Variants in FBXL2 observed in about 807,000 individuals in gnomAD.
FBXL2 encodes the protein F-box/LRR-repeat protein 2.
FBXL2 carries 38 observed loss-of-function variants against 69.2 expected under a neutral mutation model. The observed-to-expected ratio is 0.55, with a 90% CI of 0.42 to 0.72. The LOEUF (loss-of-function observed/expected upper bound fraction) is 0.72. FBXL2 is among the 30% of genes least tolerant of loss of function. The probability of loss-of-function intolerance (pLI) is 0.00; values close to 1 mark genes in which losing one functional copy is unlikely to be tolerated. For synonymous variants in FBXL2, 192 were observed against 201.3 expected, an observed-to-expected ratio of 0.95 and a Z score of 0.39; for missense variants, 354 against 520.3, an observed-to-expected ratio of 0.68 and a Z score of 3.11.
At chr3:33,355,949 T>G (rs1365744290) in intron 2 of FBXL2, among the ~76,000 whole-genome samples, 1 of 152,230 alleles carries the variant, frequency 6.6e-6, no homozygotes, top group Non-Finnish European at 1.5e-5. Flanking sequence ...CACGCCTATT[T>G]GTGCAAATTC....
At chr3:33,339,783 T>A (rs1051549828) in intron 2 of FBXL2, among the ~76,000 whole-genome samples, 7 of 152,208 alleles carry the variant, frequency 4.6e-5, no homozygotes, top group African/African-American at 1.7e-4. Flanking sequence ...CCTAGGTATA[T>A]GTTCAGGTGA....
At position 33,306,861 on chromosome 3, in the gene FBXL2, T is replaced by C. The variant is rs529618309; in HGVS notation, c.65+9136T>C. Among the ~76,000 whole-genome samples the C allele has an allele frequency of 9.9e-5, 15 of 152,212 alleles. No individual in the cohort carries two copies. In the South Asian group the frequency reaches 3.1e-3, roughly 32 times the overall value. On this transcript the variant is annotated intron_variant, in intron 2 of 14. Transcript: ENST00000484457. ...GATGCTTATTGTCTACATCATTAAT[T>C]TATTGGGGCTGCAAAGTGGTGATAC...
chr3:33,363,439 C>G (rs188885874), intron 4 of FBXL2, among the ~76,000 whole-genome samples: 2 of 152,338 alleles, frequency 1.3e-5, no homozygotes, highest in East Asian at 3.9e-4. Flanking sequence ...CAAAACCAAT[C>G]AAATTGTCCC....
At chr3:33,375,947 AG>A (rs2042605531) in intron 10 of FBXL2, among the ~76,000 whole-genome samples, 1 of 152,190 alleles carries the variant, frequency 6.6e-6, no homozygotes, top group South Asian at 2.1e-4. Context: ...ACCTGAGGTC[AG>A]GAATTCGAAA....
intron 4 of FBXL2, among the ~76,000 whole-genome samples, chr3:33,360,992 C>T (rs1252664023): frequency 2.5e-5 from 3 of 121,344 alleles, no homozygotes; most frequent in East Asian, 2.9e-4. Context: ...AGTGCAGTGG[C>T]GTGGTCTCGG....
chr3:33,297,708 C>A lies in FBXL2; in HGVS notation c.48C>A (p.Pro16=). The change falls in exon 2 of 15, where the codon CCC becomes CCA. Residue 16 remains proline (P), a synonymous_variant. Coordinates refer to ENST00000484457, the MANE Select transcript of FBXL2 (RefSeq NM_012157.5). ...NDEGLINKKL[P]KELLLRIFSF... is the part of the protein sequence containing the mutation. Reference sequence around the variant, plus strand: ...AAGGCCTTATTAACAAAAAGTTACCCAAAGAACTTCTGTTAAGGTAAATGT... The same window carrying A: ...AAGGCCTTATTAACAAAAAGTTACCAAAAGAACTTCTGTTAAGGTAAATGT... The A allele has an allele frequency of 6.4e-7, 1 of 1,574,206 alleles. No homozygotes were observed. Among genetic ancestry groups the A allele is most frequent in the South Asian group, 1.2e-5 (1 of 85,918 alleles).
At chr3:33,290,509 A>G (rs1446323041) in intron 1 of FBXL2, among the ~76,000 whole-genome samples, 1 of 152,238 alleles carries the variant, frequency 6.6e-6, no homozygotes, top group Non-Finnish European at 1.5e-5. Context: ...AACAGAGAAA[A>G]TTTCAGCAGA....
At chr3:33,295,326 G>A (rs536996825) in intron 1 of FBXL2, among the ~76,000 whole-genome samples, 1 of 152,224 alleles carries the variant, frequency 6.6e-6, no homozygotes, top group Admixed American at 6.5e-5. Flanking sequence ...GACATTTAAT[G>A]TAAATTGAAA....
chr3:33,330,354 C>T lies in FBXL2; in HGVS notation c.66-28613C>T, dbSNP rs146188512. 6.0e-5 allele frequency among the ~76,000 whole-genome samples: 9 copies of T among 151,022 alleles called. 1 individual carries two copies. The highest frequency in any genetic ancestry group is 1.5e-4 in the African/African-American group (6 of 41,118). On this transcript the variant is annotated intron_variant, in intron 2 of 14. Coordinates refer to ENST00000484457, the MANE Select transcript of FBXL2 (RefSeq NM_012157.5). ...TGGTTAACAGTGGCTGGGAAGGGTA[C>T]GGAGTTCTGGGGATGAAGAGAGATT...
chr3:33,377,020 A>C (rs1010513309), intron 10 of FBXL2, among the ~76,000 whole-genome samples: 4 of 152,242 alleles, frequency 2.6e-5, no homozygotes, highest in East Asian at 3.9e-4. Flanking sequence ...CAAAACAAAA[A>C]CAAAACCAAA....
intron 2 of FBXL2, among the ~76,000 whole-genome samples, chr3:33,300,936 C>T (rs1242751590): frequency 6.6e-6 from 1 of 151,924 alleles, no homozygotes; most frequent in Non-Finnish European, 1.5e-5. Flanking sequence ...ATCTCCTGAC[C>T]TTGTGATCCG....
At chr3:33,289,994 A>G (rs1334415681) in intron 1 of FBXL2, among the ~76,000 whole-genome samples, 1 of 152,210 alleles carries the variant, frequency 6.6e-6, no homozygotes, top group Non-Finnish European at 1.5e-5. Context: ...AGTCAGGGTA[A>G]CAGAGCAAAG....
chr3:33,398,991 G>A (rs941926493), intron 12 of FBXL2, among the ~76,000 whole-genome samples: 2 of 152,200 alleles, frequency 1.3e-5, no homozygotes, highest in Admixed American at 6.5e-5. Context: ...AGAAGTACAC[G>A]GGGAATAACT....
intron 2 of FBXL2, among the ~76,000 whole-genome samples, chr3:33,356,323 G>A (rs575123576): frequency 3.4e-4 from 52 of 152,110 alleles, no homozygotes; most frequent in Non-Finnish European, 6.9e-4. Flanking sequence ...AAGTGATCCC[G>A]AGAATAAAGG....
intron 2 of FBXL2, among the ~76,000 whole-genome samples, chr3:33,315,170 C>G (rs1433748258): frequency 6.6e-6 from 1 of 151,438 alleles, no homozygotes; most frequent in Admixed American, 6.6e-5. Flanking sequence ...CCCTCCCTTC[C>G]CTGTCTTTCA....
At chr3:33,375,565 T>G (rs2154049760) in intron 10 of FBXL2, 147 bp downstream of exon 10, 3 of 839,152 alleles carry the variant, frequency 3.6e-6, no homozygotes, top group Non-Finnish European at 5.5e-6. Context: ...TAAATTGGGG[T>G]GGGGCGTGTA....
intron 1 of FBXL2, among the ~76,000 whole-genome samples, chr3:33,290,017 A>G (rs913561516): frequency 2.0e-5 from 3 of 152,196 alleles, no homozygotes; most frequent in African/African-American, 7.2e-5. Flanking sequence ...AGATCTCCTC[A>G]AGGCACAGAA....
At chr3:33,312,307 C>T (rs1254882651) in intron 2 of FBXL2, among the ~76,000 whole-genome samples, 1 of 152,196 alleles carries the variant, frequency 6.6e-6, no homozygotes, top group African/African-American at 2.4e-5. Flanking sequence ...AGTCCTCCTG[C>T]CTCAGCCTCC....
At chr3:33,406,090 A>G (rs112937398), downstream of FBXL2, among the ~76,000 whole-genome samples, 2,211 of 152,352 alleles carry the variant, frequency 0.015, 22 homozygotes, top group South Asian at 0.026. Context: ...ATTACATTTT[A>G]CACAACAATG....
Sources: allele counts gnomAD v4.1 joint callset (sites outside exome capture counted in the v4.1 genomes callset), GRCh38; gene constraint gnomAD v4.1.1; transcripts MANE v1.5; gene names NCBI Gene and HGNC (gene_info 2026-07-23, HGNC 2026-07-21).